Variants in DDX52 observed in about 807,000 individuals in gnomAD.
DDX52 encodes the protein probable ATP-dependent RNA helicase DDX52.
In DDX52, 59 loss-of-function variants were observed where a neutral mutation model predicts 76.1. The ratio of observed to expected loss-of-function variants is 0.78; its 90% CI spans 0.63 to 0.96. The LOEUF is 0.96. Among genes scored for constraint, DDX52 ranks in the 40% least tolerant of loss-of-function variants. The pLI, the probability that DDX52 is intolerant of heterozygous loss-of-function variation, is 0.00. For synonymous variants in DDX52, 231 were observed against 244.1 expected, an observed-to-expected ratio of 0.95 and a Z score of 0.50; for missense variants, 707 against 703.9, an observed-to-expected ratio of 1.00 and a Z score of -0.05.
chr17:37,633,725 C>T (rs1220831140), intron 2 of DDX52, among the ~76,000 whole-genome samples: 2 of 150,458 alleles, frequency 1.3e-5, no homozygotes, highest in African/African-American at 4.9e-5. Flanking sequence ...TACCTTCACA[C>T]TAAAAAAGGA....
chr17:37,635,537 T>C (rs1314899726), intron 2 of DDX52: 29 of 449,144 alleles, frequency 6.5e-5, no homozygotes, highest in South Asian at 4.5e-4. Flanking sequence ...TTGCACCATG[T>C]ATCAACAACT....
At chr17:37,641,149 AGGAGGCGGAGGC>A (rs371516980) in intron 2 of DDX52, among the ~76,000 whole-genome samples, 123 of 151,858 alleles carry the variant, frequency 8.1e-4, no homozygotes, top group African/African-American at 2.7e-3. Context: ...CCAGCACTTT[AGGAGGCGGAGGC>A]GGAGGCGGAG....
intron 2 of DDX52, chr17:37,635,498 C>A (rs1320080735): frequency 4.9e-6 from 2 of 411,366 alleles, no homozygotes; most frequent in Non-Finnish European, 9.7e-6. Flanking sequence ...TTCTTTCACT[C>A]AAGATAGTTG....
intron 13 of DDX52, 121 bp downstream of exon 13, chr17:37,619,647 G>T: frequency 1.2e-6 from 1 of 831,636 alleles, no homozygotes; most frequent in Non-Finnish European, 1.9e-6. Context: ...AGGAGATCAA[G>T]ACTACAGTGA....
intron 4 of DDX52, chr17:37,630,837 T>C (rs1162085320): frequency 1.3e-5 from 2 of 152,246 alleles, no homozygotes; most frequent in East Asian, 1.9e-4. Flanking sequence ...AGACAGGGTT[T>C]CACCATATTG....
chr17:37,641,514 G>A (rs1266727279), intron 2 of DDX52, among the ~76,000 whole-genome samples: 11 of 152,124 alleles, frequency 7.2e-5, no homozygotes, highest in African/African-American at 2.2e-4. Flanking sequence ...CAAAGCGGGC[G>A]GATCACGAGG....
chr17:37,632,423 C>A, intron 3 of DDX52, 125 bp from the exon 4 acceptor site: 6 of 1,024,706 alleles, frequency 5.9e-6, no homozygotes, highest in Admixed American at 5.0e-5. Flanking sequence ...TTGGTTAAAT[C>A]CAAGAATCAA....
In DDX52 at chr17:37,626,007, A is replaced by T. The variant is rs2030353264; in HGVS notation, c.1024T>A (p.Cys342Ser). Residue 342 changes from cysteine (C) to serine (S), a missense_variant, in exon 8 of 15, where the codon TGC becomes AGC. Coordinates refer to ENST00000617633, the MANE Select transcript of DDX52 (RefSeq NM_007010.5). ...GCTCTTCGGACCTTGTGGGATGTGC[A>T]GGCCAGGAAAATGGAAGCCAGCTGG... is the stretch of plus-strand genomic sequence containing the variant. ...RDQLASIFLA[C>S]TSHKVRRAMF... The T allele has an allele frequency of 1.9e-6, 3 of 1,614,198 alleles. No homozygotes were observed. In the African/African-American group the frequency reaches 4.0e-5, roughly 22 times the overall value.
rs1033657715 is a variant in DDX52 at position 37,610,261 on chromosome 17, C to A, written c.*4035G>T. 4.7e-5 allele frequency: 7 copies of A among 149,438 alleles called. No homozygotes were observed. Among genetic ancestry groups the A allele is most frequent in the African/African-American group, 1.7e-4 (7 of 40,430 alleles). The allele number at this position is 149,438 out of a possible 1,614,324, so 9.3% of individuals were successfully genotyped here. ...GCCTCAGCCTCCTGAGTAGCTGGGA[C>A]CACAGGCATGCACCACCACACCGGG... On this transcript the variant is annotated 3_prime_UTR_variant, in exon 15 of 15. Transcript: ENST00000617633.
In DDX52 at chr17:37,612,465, A is replaced by T. The variant is rs1215256010; in HGVS notation, c.*1831T>A. 6.6e-6 allele frequency: 1 copy of T among 152,206 alleles called. No individual in the cohort carries two copies. The highest frequency in any genetic ancestry group is 1.5e-5 in the Non-Finnish European group (1 of 68,036). 9.4% of individuals were successfully genotyped at this position (152,206 alleles called of 1,614,324 possible). On this transcript the variant is annotated 3_prime_UTR_variant, in exon 15 of 15. Coordinates refer to ENST00000617633, the MANE Select transcript of DDX52 (RefSeq NM_007010.5). The stretch of plus-strand genomic sequence containing the variant: ...GTTCCAACTGTCTATAGCATGCAGG[A>T]CAGTAACATGCTATACGGGTTTGTA...
intron 7 of DDX52, 132 bp from the exon 8 acceptor site, chr17:37,626,230 A>C: frequency 5.3e-6 from 2 of 378,276 alleles, no homozygotes; most frequent in South Asian, 7.8e-5. Flanking sequence ...TATCATACCA[A>C]AAAAAAAAAA....
chr17:37,616,662 C>CAAAAAAAAAAAAAAAAAAA (rs1188716926), intron 14 of DDX52, among the ~76,000 whole-genome samples: 1 of 122,452 alleles, frequency 8.2e-6, no homozygotes, highest in African/African-American at 3.1e-5. Flanking sequence ...GACTCCATCT[C>CAAAAAAAAAAAAAAAAAAA]AAAAAAAAAA....
At chr17:37,641,023 G>A (rs931327763) in intron 2 of DDX52, among the ~76,000 whole-genome samples, 1 of 151,862 alleles carries the variant, frequency 6.6e-6, no homozygotes, top group African/African-American at 2.4e-5. Context: ...AAAAACCTCT[G>A]TCAAAATGGG....
chr17:37,617,817 AAATTCC>A (rs2029881058), intron 14 of DDX52, among the ~76,000 whole-genome samples: 1 of 152,188 alleles, frequency 6.6e-6, no homozygotes, highest in Non-Finnish European at 1.5e-5. Context: ...TGGTACAGAA[AAATTCC>A]AATATTAAAA....
chr17:37,625,954 A>G lies in DDX52; in HGVS notation c.1077T>C (p.Asp359=). 6.2e-7 allele frequency: 1 copy of G among 1,614,222 alleles called. No individual in the cohort carries two copies. The highest frequency in any genetic ancestry group is 1.1e-5 in the South Asian group (1 of 91,080). Residue 359 remains aspartate, a synonymous_variant, in exon 8 of 15, where the codon GAT becomes GAC. Coordinates refer to ENST00000617633, the MANE Select transcript of DDX52 (RefSeq NM_007010.5). ...RAMFSATFAY[D]VEQWCKLNLD... ...GGTTGAGTTTGCACCACTGTTCAACATCATATGCAAAAGTTGCACTGAACA... is the reference window on the plus strand; with the variant it reads ...GGTTGAGTTTGCACCACTGTTCAACGTCATATGCAAAAGTTGCACTGAACA...
intron 2 of DDX52, among the ~76,000 whole-genome samples, chr17:37,640,770 G>A (rs1243441907): frequency 1.3e-5 from 2 of 149,660 alleles, no homozygotes; most frequent in Non-Finnish European, 3.0e-5. Context: ...GGCAGATCAC[G>A]AGGTCAGGAG....
intron 3 of DDX52, 101 bp from the exon 4 acceptor site, chr17:37,632,399 G>T: frequency 7.4e-7 from 1 of 1,353,356 alleles, no homozygotes; most frequent in Non-Finnish European, 1.0e-6. Flanking sequence ...ACCTTTAGCA[G>T]CATATGAAAC....
At chr17:37,640,769 C>T (rs559185152) in intron 2 of DDX52, among the ~76,000 whole-genome samples, 2 of 149,940 alleles carry the variant, frequency 1.3e-5, no homozygotes, top group South Asian at 2.1e-4. Context: ...GGGCAGATCA[C>T]GAGGTCAGGA....
intron 6 of DDX52, among the ~76,000 whole-genome samples, chr17:37,627,259 G>C (rs572691600): frequency 2.4e-4 from 36 of 152,250 alleles, no homozygotes; most frequent in African/African-American, 8.2e-4. Context: ...CTGGAGTGCA[G>C]TGGCACAACC....
Sources: allele counts gnomAD v4.1 joint callset (sites outside exome capture counted in the v4.1 genomes callset), GRCh38; gene constraint gnomAD v4.1.1; transcripts MANE v1.5; gene names NCBI Gene and HGNC (gene_info 2026-07-23, HGNC 2026-07-21).